The following TDG variants were observed in gnomAD, a reference collection of about 807,000 sequenced individuals.
TDG encodes the protein thymine DNA glycosylase.
Under a neutral mutation model 46.1 loss-of-function variants are expected in TDG, and 23 were observed. That is an observed-to-expected ratio of 0.50 (90% confidence interval 0.36 to 0.71). TDG has a LOEUF of 0.71. Among genes scored for constraint, TDG ranks in the 30% least tolerant of loss-of-function variants. The pLI is 0.00. For missense variants in TDG, 304 were observed against 486.7 expected, an observed-to-expected ratio of 0.62 and a Z score of 3.53; for synonymous variants, 115 against 161.3, an observed-to-expected ratio of 0.71 and a Z score of 2.18.
chr12:103,966,168 A>G (rs1871006210), intron 1 of TDG, 108 bp downstream of exon 1: 2 of 1,336,838 alleles, frequency 1.5e-6, no homozygotes, highest in Middle Eastern at 2.2e-4. Context: ...GCCGGAATAC[A>G]AAGGCCGGGG....
At position 103,983,374 on chromosome 12, in the gene TDG, T is replaced by A; in HGVS notation, c.777T>A (p.Ile259=). ...AATTTGGGCTTCAGCCCCATAAGAT[T>A]CCAGACACAGAAACTGTAAGTCCCT... ...NLEFGLQPHK[I]PDTETLCYVM... Residue 259 remains isoleucine (I), a synonymous_variant, in exon 7 of 10, where the codon ATT becomes ATA. Coordinates refer to ENST00000392872, the MANE Select transcript of TDG (RefSeq NM_003211.6). 6.3e-7 allele frequency: 1 copy of A among 1,586,402 alleles called. No homozygotes were observed. Among genetic ancestry groups the A allele is most frequent in the Non-Finnish European group, 8.5e-7 (1 of 1,171,724 alleles).
At chr12:103,976,845 T>G (rs1871568062) in intron 1 of TDG, 73 bp from the exon 2 acceptor site, 2 of 1,576,440 alleles carry the variant, frequency 1.3e-6, no homozygotes, top group Non-Finnish European at 1.7e-6. Context: ...CTGAAGATTT[T>G]TGTACAGCTG....
intron 1 of TDG, among the ~76,000 whole-genome samples, chr12:103,974,417 T>C (rs4135076): frequency 0.084 from 12,807 of 152,068 alleles, 837 homozygotes; most frequent in East Asian, 0.31. Context: ...GCTGGGGCTG[T>C]CAGCATGTAC....
At chr12:103,979,154 A>G (rs1237113755) in intron 2 of TDG, among the ~76,000 whole-genome samples, 1 of 134,542 alleles carries the variant, frequency 7.4e-6, no homozygotes, top group African/African-American at 2.8e-5. Flanking sequence ...CCAGGCTGGA[A>G]TGCAGAGGCA....
chr12:103,986,687 TG>T (rs1184215458), intron 9 of TDG: 4 of 300,140 alleles, frequency 1.3e-5, no homozygotes, highest in African/African-American at 8.4e-5. Context: ...GACTCCAGCC[TG>T]GGTGACAGAA....
At chr12:103,981,243 T>C (rs1207653637) in intron 4 of TDG, among the ~76,000 whole-genome samples, 1 of 145,884 alleles carries the variant, frequency 6.9e-6, no homozygotes, top group African/African-American at 2.5e-5. Flanking sequence ...TTTTTTTTTT[T>C]TTTTTTTTTG....
chr12:103,985,771 G>C, intron 9 of TDG, 43 bp downstream of exon 9: 1 of 1,468,626 alleles, frequency 6.8e-7, no homozygotes, highest in Non-Finnish European at 9.1e-7. Context: ...AAGACGGTTT[G>C]GTCAGGATTG....
At chr12:103,974,613 C>T (rs1314896489) in intron 1 of TDG, among the ~76,000 whole-genome samples, 1 of 152,092 alleles carries the variant, frequency 6.6e-6, no homozygotes, top group Non-Finnish European at 1.5e-5. Flanking sequence ...TTCTGAGCTT[C>T]CTGTTCTCTT....
intron 1 of TDG, among the ~76,000 whole-genome samples, chr12:103,967,373 A>G (rs1871089061): frequency 6.6e-6 from 1 of 152,164 alleles, no homozygotes; most frequent in South Asian, 2.1e-4. Context: ...GACCCCAGGT[A>G]ATCCTTAAGA....
chr12:103,985,458 A>C, intron 8 of TDG, 145 bp from the exon 9 acceptor site: 1 of 928,614 alleles, frequency 1.1e-6, no homozygotes, highest in Non-Finnish European at 1.5e-6. Flanking sequence ...TATTTAGTAC[A>C]TGCTATAAGT....
chr12:103,985,878 A>G (rs909811098), intron 9 of TDG, 150 bp downstream of exon 9: 6 of 898,050 alleles, frequency 6.7e-6, no homozygotes, highest in Non-Finnish European at 6.2e-6. Context: ...ATTGATGGTT[A>G]TTTCACGTTG....
intron 1 of TDG, among the ~76,000 whole-genome samples, chr12:103,975,774 G>T (rs1871508500): frequency 6.6e-6 from 1 of 151,922 alleles, no homozygotes; most frequent in Admixed American, 6.6e-5. Flanking sequence ...CAGTTCTCCT[G>T]CCTCAGCCTC....
rs191661630 is a variant in TDG, at chr12:103,971,609, C to G, written c.24-5309C>G. Among the ~76,000 whole-genome samples the G allele has an allele frequency of 7.0e-4, 107 of 151,964 alleles. 1 individual carries two copies. In the East Asian group the frequency reaches 0.02, roughly 28 times the overall value. ...AAAACAATCTATGAGCGCTGCAGTT[C>G]AACAGAAGGTAAGTGCAAATGGAGG... On this transcript the variant is annotated intron_variant, in intron 1 of 9. Transcript: ENST00000392872.
At chr12:103,968,064 A>G (rs1471114568) in intron 1 of TDG, 3 of 152,074 alleles carry the variant, frequency 2.0e-5, no homozygotes, top group African/African-American at 7.2e-5. Flanking sequence ...TCCTGGCTTC[A>G]AGTGATCACT....
intron 1 of TDG, chr12:103,973,035 T>C (rs1234796587): frequency 1.4e-6 from 1 of 702,616 alleles, no homozygotes; most frequent in Non-Finnish European, 2.6e-6. Context: ...GGGAGAGTGG[T>C]AGGTAGATTG....
chr12:103,972,828 C>T, intron 1 of TDG: 1 of 451,868 alleles, frequency 2.2e-6, no homozygotes, highest in Non-Finnish European at 3.9e-6. Context: ...TTTTGATTTT[C>T]AGCTTCTGAA....
At position 103,988,763 on chromosome 12, in the gene TDG, C is replaced by T. The variant is rs1484920460; in HGVS notation, c.*1673C>T. 1.3e-5 allele frequency: 2 copies of T among 152,148 alleles called. No homozygotes were observed. Among genetic ancestry groups the T allele is most frequent in the Non-Finnish European group, 2.9e-5 (2 of 68,002 alleles). 9.4% of individuals were successfully genotyped at this position (152,148 alleles called of 1,614,324 possible). A position where few individuals can be genotyped will look rare whatever the true frequency, so the allele number is the denominator to read the frequency against. ...GATGAGTAGTAAATGTTGATATATC[C>T]TATACATGACAGTGTGAGACTTTTT... On this transcript the variant is annotated 3_prime_UTR_variant, in exon 10 of 10. Coordinates refer to ENST00000392872, the MANE Select transcript of TDG (RefSeq NM_003211.6).
rs757690215 is a variant in TDG at position 103,982,861 on chromosome 12, C to CT, written c.542dup (p.Pro182ThrfsTer25). ...GCTGAACCATATGGATGATCACACT[C>CT]TACCAGGGAAGTATGGTATTGGATT... On this transcript the variant is annotated frameshift_variant, in exon 5 of 10. Transcript: ENST00000392872. LOFTEE classifies it high-confidence loss of function. 5.0e-6 allele frequency: 8 copies of CT among 1,613,974 alleles called. No homozygotes were observed. The highest frequency in any genetic ancestry group is 6.8e-6 in the Non-Finnish European group (8 of 1,180,042).
At chr12:103,966,172 G>A in intron 1 of TDG, 112 bp downstream of exon 1, 1 of 1,328,590 alleles carries the variant, frequency 7.5e-7, no homozygotes, top group Non-Finnish European at 9.9e-7. Context: ...GAATACAAAG[G>A]CCGGGGCCGC....
Sources: gnomAD v4.1 joint callset for allele counts (sites outside exome capture counted in the v4.1 genomes callset) on GRCh38, gnomAD v4.1.1 for gene constraint, MANE v1.5 for transcripts, NCBI Gene and HGNC (gene_info 2026-07-23, HGNC 2026-07-21) for gene names.